The following SPAG16 variants were observed in gnomAD, a reference collection of about 807,000 sequenced individuals.
SPAG16 encodes the protein sperm associated antigen 16, also known as sperm-associated antigen 16 protein.
SPAG16 carries 86 observed loss-of-function variants against 80.4 expected under a neutral mutation model. The observed-to-expected ratio is 1.07, with a 90% confidence interval of 0.90 to 1.28. The LOEUF is 1.28. Ranked by LOEUF, SPAG16 falls within the 50% of genes most tolerant of loss-of-function variation. SPAG16 has a pLI of 0.00. For missense variants in SPAG16, 870 were observed against 765.3 expected, an observed-to-expected ratio of 1.14 and a Z score of -1.61; for synonymous variants, 294 against 265.9, an observed-to-expected ratio of 1.11 and a Z score of -1.03.
intron 15 of SPAG16, among the ~76,000 whole-genome samples, chr2:214,201,686 A>T (rs2058013665): frequency 6.6e-6 from 1 of 152,222 alleles, no homozygotes; most frequent in South Asian, 2.1e-4. Context: ...ACTACATTTT[A>T]TTGGCATAAC....
At chr2:213,481,877 A>G (rs2073767619) in intron 9 of SPAG16, among the ~76,000 whole-genome samples, 1 of 152,222 alleles carries the variant, frequency 6.6e-6, no homozygotes, top group African/African-American at 2.4e-5. Context: ...TTATGACACA[A>G]GTTTATTAAG....
intron 9 of SPAG16, among the ~76,000 whole-genome samples, chr2:213,409,751 T>G (rs1490359162): frequency 6.6e-6 from 1 of 152,168 alleles, no homozygotes; most frequent in Non-Finnish European, 1.5e-5. Flanking sequence ...TATAAAATGG[T>G]ATTTGGCTTT....
intron 5 of SPAG16, among the ~76,000 whole-genome samples, chr2:213,329,442 CAA>C (rs2063990491): frequency 6.6e-6 from 1 of 152,132 alleles, no homozygotes; most frequent in African/African-American, 2.4e-5. Flanking sequence ...TATGTTTTAG[CAA>C]AGAGACTGGT....
intron 10 of SPAG16, among the ~76,000 whole-genome samples, chr2:213,654,711 C>T (rs983375733): frequency 6.9e-6 from 1 of 144,588 alleles, no homozygotes; most frequent in Non-Finnish European, 1.5e-5. Flanking sequence ...AGTGAGACTC[C>T]ATCTCAAAAA....
At chr2:214,285,174 G>A (rs1267156053) in intron 15 of SPAG16, among the ~76,000 whole-genome samples, 1 of 152,004 alleles carries the variant, frequency 6.6e-6, no homozygotes, top group Non-Finnish European at 1.5e-5. Flanking sequence ...TTAACAGGTG[G>A]GAGATGATAC....
At chr2:213,497,446 GT>G (rs369848596) in intron 10 of SPAG16, among the ~76,000 whole-genome samples, 12,983 of 136,568 alleles carry the variant, frequency 0.095, 1,348 homozygotes, top group African/African-American at 0.27. Context: ...GTTCTACCTT[GT>G]TTTTTTTTTT....
At chr2:213,310,887 C>T (rs145567129) in intron 4 of SPAG16, among the ~76,000 whole-genome samples, 7 of 151,694 alleles carry the variant, frequency 4.6e-5, no homozygotes, top group Middle Eastern at 3.4e-3. Flanking sequence ...ATAGCTATTG[C>T]ATATTCTAGA....
At chr2:213,982,616 T>TGA (rs1315289927) in intron 12 of SPAG16, among the ~76,000 whole-genome samples, 2,034 of 143,548 alleles carry the variant, frequency 0.014, 55 homozygotes, top group African/African-American at 0.056. Flanking sequence ...TTCTGGTGTG[T>TGA]GTGTGTGTGT....
At chr2:213,907,676 T>G (rs1231587167) in intron 11 of SPAG16, among the ~76,000 whole-genome samples, 3 of 152,132 alleles carry the variant, frequency 2.0e-5, no homozygotes, top group African/African-American at 7.2e-5. Context: ...CACAATGGAA[T>G]ACTATTCAGC....
chr2:214,207,167 A>G (rs773341312), intron 15 of SPAG16, among the ~76,000 whole-genome samples: 4 of 152,186 alleles, frequency 2.6e-5, no homozygotes, highest in African/African-American at 4.8e-5. Context: ...TCAGAATTTT[A>G]TAAGGGGTAC....
chr2:213,782,562 G>A (rs766127331), intron 10 of SPAG16, among the ~76,000 whole-genome samples: 1 of 152,060 alleles, frequency 6.6e-6, no homozygotes, highest in Admixed American at 6.6e-5. Context: ...AAAGATAATC[G>A]AGGTAGGTGG....
chr2:214,028,341 C>T (rs193222838), intron 13 of SPAG16, among the ~76,000 whole-genome samples: 1 of 152,136 alleles, frequency 6.6e-6, no homozygotes, highest in East Asian at 1.9e-4. Flanking sequence ...AGCCACAGAA[C>T]TCAGGATCAC....
intron 5 of SPAG16, among the ~76,000 whole-genome samples, chr2:213,324,959 A>G (rs2063781544): frequency 6.6e-6 from 1 of 152,032 alleles, no homozygotes; most frequent in South Asian, 2.1e-4. Flanking sequence ...GGCATCTTGT[A>G]TTTTTGATAT....
Position 214,180,389 on chromosome 2 carries a change from A to T in SPAG16, c.1720+31123A>T, listed in dbSNP as rs1305384673. ...TGAGTTAACAATTAATGGCTGTGAT[A>T]TTTCAGTGCAAAAGGACAGTTGATC... On this transcript the variant is annotated intron_variant, in intron 15 of 15. Coordinates refer to ENST00000331683, the MANE Select transcript of SPAG16 (RefSeq NM_024532.5). Among the ~76,000 whole-genome samples, 3 of 151,684 alleles carry T rather than the reference A, an allele frequency of 2.0e-5. No individual in the cohort carries two copies. The Admixed American group carries it at 2.0e-4, about 10-fold the overall frequency.
chr2:213,833,509 T>C lies in SPAG16; in HGVS notation c.1071-28976T>C, dbSNP rs1204595089. On this transcript the variant is annotated intron_variant, in intron 10 of 15. Coordinates refer to ENST00000331683, the MANE Select transcript of SPAG16 (RefSeq NM_024532.5). Reference sequence around the variant, plus strand: ...TATTATATATAATATATATATTATATATAATATATATAATATATATATTAT... The same window carrying C: ...TATTATATATAATATATATATTATACATAATATATATAATATATATATTAT... Among the ~76,000 whole-genome samples the C allele has an allele frequency of 8.8e-4, 2 of 2,262 alleles. 1 individual carries two copies. The highest frequency in any genetic ancestry group is 0.027 in the Admixed American group (2 of 74). 1.5% of individuals were successfully genotyped at this position (2,262 alleles called of 152,430 possible). A position where few individuals can be genotyped will look rare whatever the true frequency, so the allele number is the denominator to read the frequency against.
At chr2:213,910,405 A>T (rs570754202) in intron 11 of SPAG16, among the ~76,000 whole-genome samples, 7 of 152,366 alleles carry the variant, frequency 4.6e-5, no homozygotes, top group East Asian at 1.9e-4. Context: ...AAAAGTCTTA[A>T]CTAGAGATAA....
intron 15 of SPAG16, among the ~76,000 whole-genome samples, chr2:214,406,740 T>G (rs975251380): frequency 6.6e-5 from 10 of 152,138 alleles, no homozygotes; most frequent in African/African-American, 2.4e-4. Flanking sequence ...ATTCTTGTCT[T>G]CAAAGCCAAA....
chr2:213,345,835 T>G (rs2064948649), intron 6 of SPAG16, among the ~76,000 whole-genome samples: 1 of 152,212 alleles, frequency 6.6e-6, no homozygotes, highest in South Asian at 2.1e-4. Context: ...GCTTTGTTCT[T>G]TTTGCTTAGG....
intron 14 of SPAG16, among the ~76,000 whole-genome samples, chr2:214,112,597 T>C (rs189972130): frequency 6.6e-6 from 1 of 151,876 alleles, no homozygotes; most frequent in Non-Finnish European, 1.5e-5. Flanking sequence ...TCTTTGTTGG[T>C]TTAAAGTCTG....
Sources: allele counts gnomAD v4.1 joint callset (sites outside exome capture counted in the v4.1 genomes callset), GRCh38; gene constraint gnomAD v4.1.1; transcripts MANE v1.5; gene names NCBI Gene and HGNC (gene_info 2026-07-23, HGNC 2026-07-21).